Variants in ANXA6 observed in about 807,000 individuals in gnomAD.
ANXA6 encodes the protein 67 kDa calelectrin.
In ANXA6, 71 loss-of-function variants were observed where a neutral mutation model predicts 95.4. The observed-to-expected ratio is 0.74, with a 90% CI of 0.61 to 0.91. ANXA6 has a LOEUF of 0.91. ANXA6 is among the 40% of genes least tolerant of loss of function. The pLI, the probability that ANXA6 is intolerant of heterozygous loss-of-function variation, is 0.00. For synonymous variants in ANXA6, 289 were observed against 315.9 expected, an observed-to-expected ratio of 0.91 and a Z score of 0.90; for missense variants, 830 against 876.4, an observed-to-expected ratio of 0.95 and a Z score of 0.67.
intron 20 of ANXA6, among the ~76,000 whole-genome samples, 161 bp from the exon 21 acceptor site, chr5:151,110,805 G>T (rs376220829): frequency 7.2e-5 from 11 of 152,130 alleles, no homozygotes; most frequent in African/African-American, 2.4e-4. Flanking sequence ...GAAAGGAAGG[G>T]GGGTAGGGAC....
At chr5:151,124,239 AC>A in intron 15 of ANXA6, 46 bp downstream of exon 15, 2 of 1,565,964 alleles carry the variant, frequency 1.3e-6, no homozygotes, top group Non-Finnish European at 1.8e-6. Flanking sequence ...AACCCACCAC[AC>A]CTGCTGCCCT....
chr5:151,139,682 C>T (rs1341875964), intron 3 of ANXA6, among the ~76,000 whole-genome samples: 1 of 152,222 alleles, frequency 6.6e-6, no homozygotes, highest in Non-Finnish European at 1.5e-5. Flanking sequence ...TCCAGCTCCT[C>T]ACTGCACAAA....
chr5:151,103,045 G>A (rs1213301927), intron 25 of ANXA6, among the ~76,000 whole-genome samples: 1 of 152,168 alleles, frequency 6.6e-6, no homozygotes, highest in Non-Finnish European at 1.5e-5. Context: ...TGCCCAGGCT[G>A]GAGTGCAGTG....
chr5:151,142,219 C>T (rs1765857966), intron 2 of ANXA6, among the ~76,000 whole-genome samples: 6 of 152,226 alleles, frequency 3.9e-5, no homozygotes, highest in Admixed American at 3.3e-4. Flanking sequence ...GTGGCTCATG[C>T]CTGTAATCCC....
At chr5:151,103,033 G>C (rs893043579) in intron 25 of ANXA6, among the ~76,000 whole-genome samples, 1 of 152,172 alleles carries the variant, frequency 6.6e-6, no homozygotes, top group African/African-American at 2.4e-5. Flanking sequence ...GTCTTGCTCT[G>C]TTGCCCAGGC....
intron 20 of ANXA6, 86 bp from the exon 21 acceptor site, chr5:151,110,730 T>C: frequency 2.7e-6 from 4 of 1,493,608 alleles, no homozygotes; most frequent in Non-Finnish European, 3.7e-6. Flanking sequence ...GGCCCTGGGG[T>C]GCAGGGTGAG....
chr5:151,138,645 C>T lies in ANXA6; in HGVS notation c.318+33G>A, dbSNP rs781014152. 1.1e-5 allele frequency: 17 copies of T among 1,510,904 alleles called. No individual in the cohort carries two copies. In the South Asian group the frequency reaches 1.6e-4, roughly 14 times the overall value. 93.6% of individuals were successfully genotyped at this position (1,510,904 alleles called of 1,614,324 possible). ...AGAATCTTCCCATTAACCACATCCC[C>T]ACCCCAACACCACATACACCCCCAC... On this transcript the variant is annotated intron_variant, in intron 5 of 25. Coordinates refer to ENST00000354546, the MANE Select transcript of ANXA6 (RefSeq NM_001155.5).
At chr5:151,134,811 G>T (rs987672029) in intron 7 of ANXA6, among the ~76,000 whole-genome samples, 1 of 152,162 alleles carries the variant, frequency 6.6e-6, no homozygotes, top group East Asian at 1.9e-4. Context: ...CCAGGTTCTC[G>T]AGGGTCCCTG....
At chr5:151,153,424 T>C (rs1170551859) in intron 1 of ANXA6, among the ~76,000 whole-genome samples, 2 of 152,238 alleles carry the variant, frequency 1.3e-5, no homozygotes, top group Non-Finnish European at 1.5e-5. Context: ...CACTGTTATC[T>C]GCTGGATTCA....
intron 1 of ANXA6, among the ~76,000 whole-genome samples, chr5:151,150,659 A>G (rs1369642629): frequency 6.6e-6 from 1 of 152,190 alleles, no homozygotes; most frequent in Non-Finnish European, 1.5e-5. Flanking sequence ...CCTGGCAACC[A>G]GGGGCCCCTT....
chr5:151,121,994 G>A (rs1170527596), intron 17 of ANXA6, among the ~76,000 whole-genome samples, 153 bp downstream of exon 17: 5 of 152,148 alleles, frequency 3.3e-5, no homozygotes, highest in African/African-American at 1.2e-4. Context: ...TCAGTTATAG[G>A]AGCCAACATC....
chr5:151,115,104 G>T (rs1764961417), intron 20 of ANXA6, among the ~76,000 whole-genome samples: 1 of 152,132 alleles, frequency 6.6e-6, no homozygotes, highest in Non-Finnish European at 1.5e-5. Context: ...TTCAGATATG[G>T]AACAGTATAT....
At chr5:151,156,967 G>T (rs1766252678) in intron 1 of ANXA6, among the ~76,000 whole-genome samples, 1 of 152,188 alleles carries the variant, frequency 6.6e-6, no homozygotes, top group South Asian at 2.1e-4. Flanking sequence ...AGGGTATTTT[G>T]CTCCCATGCT....
intron 25 of ANXA6, among the ~76,000 whole-genome samples, chr5:151,102,961 A>G (rs1764589410): frequency 6.6e-6 from 1 of 152,102 alleles, no homozygotes. Flanking sequence ...GTACCCTTAA[A>G]ACAGGTGAAT....
At chr5:151,138,892 G>A (rs1290089149) in intron 4 of ANXA6, 101 bp from the exon 5 acceptor site, 3 of 813,080 alleles carry the variant, frequency 3.7e-6, no homozygotes, top group African/African-American at 3.4e-5. Flanking sequence ...CAGGTGCTGG[G>A]CTAAGTAATC....
At chr5:151,117,553 C>T (rs2113908731) in intron 19 of ANXA6, among the ~76,000 whole-genome samples, 1 of 152,322 alleles carries the variant, frequency 6.6e-6, no homozygotes, top group East Asian at 1.9e-4. Flanking sequence ...CCAGGGAGGA[C>T]TGTCTGGAGA....
intron 20 of ANXA6, among the ~76,000 whole-genome samples, chr5:151,113,575 G>A (rs929319196): frequency 3.9e-5 from 6 of 151,954 alleles, no homozygotes; most frequent in Admixed American, 1.3e-4. Flanking sequence ...TCTCACTTAC[G>A]CGGGTCAGAG....
In ANXA6 at chr5:151,135,202, G is replaced by T. The variant is rs1765623974; in HGVS notation, c.490-719C>A. Among the ~76,000 whole-genome samples, 3 of 152,160 alleles carry T rather than the reference G, an allele frequency of 2.0e-5. No individual in the cohort carries two copies. In the East Asian group the frequency reaches 5.8e-4, roughly 29 times the overall value. ...CATTCCAGGATCTCAAACCCCCAGG[G>T]TTCTCTTTGGGACTGAGCAGAAGAC... On this transcript the variant is annotated intron_variant, in intron 7 of 25. Transcript: ENST00000354546.
In ANXA6 at chr5:151,139,389, C is replaced by G. The variant is rs1765763749; in HGVS notation, c.168G>C (p.Gln56His). The G allele has an allele frequency of 1.9e-6, 3 of 1,613,514 alleles. No homozygotes were observed. The highest frequency in any genetic ancestry group is 2.5e-6 in the Non-Finnish European group (3 of 1,179,586). ...GGGACTTGTAGCTCTGGCAGACCTC[C>G]TGCCTCTGCCTGTTGCTCCGTGAGG... ...IITSRSNRQRQEVCQSYKSLY... is the reference protein window; with the variant it reads ...IITSRSNRQRHEVCQSYKSLY... The change falls in exon 4 of 26, where the codon CAG becomes CAC. Residue 56 changes from glutamine (Q) to histidine (H), a missense_variant. Transcript: ENST00000354546.
Sources: gnomAD v4.1 joint callset for allele counts (sites outside exome capture counted in the v4.1 genomes callset) on GRCh38, gnomAD v4.1.1 for gene constraint, MANE v1.5 for transcripts, NCBI Gene and HGNC (gene_info 2026-07-23, HGNC 2026-07-21) for gene names.